Variants in KIAA1671 observed in about 807,000 individuals in gnomAD.
KIAA1671 encodes the protein uncharacterized protein KIAA1671.
KIAA1671 carries 52 observed loss-of-function variants against 131.2 expected under a neutral mutation model. The ratio of observed to expected loss-of-function variants is 0.40; its 90% CI spans 0.32 to 0.50. The LOEUF (loss-of-function observed/expected upper bound fraction) is 0.50, where lower values mean the gene tolerates loss of function less well. Among genes scored for constraint, KIAA1671 ranks in the 20% least tolerant of loss-of-function variants. The pLI, the probability that KIAA1671 is intolerant of heterozygous loss-of-function variation, is 0.73. For synonymous variants in KIAA1671, 1,003 were observed against 961.6 expected (o/e 1.04, Z -0.80); for missense variants, 2,360 against 2,364.2 (o/e 1.00, Z 0.04).
intron 6 of KIAA1671, among the ~76,000 whole-genome samples, chr22:25,090,772 T>C (rs75481335): frequency 0.042 from 6,465 of 152,354 alleles, 176 homozygotes; most frequent in South Asian, 0.067. Context: ...TGTAGTGACT[T>C]GCCCAAGGTC....
At chr22:25,150,981 C>T (rs1009044082) in intron 6 of KIAA1671, among the ~76,000 whole-genome samples, 4 of 151,848 alleles carry the variant, frequency 2.6e-5, no homozygotes, top group Non-Finnish European at 4.4e-5. Flanking sequence ...TACAGGCACC[C>T]GCCTCCACGC....
At chr22:25,134,395 C>G (rs1021214123) in intron 6 of KIAA1671, among the ~76,000 whole-genome samples, 1 of 152,056 alleles carries the variant, frequency 6.6e-6, no homozygotes, top group Non-Finnish European at 1.5e-5. Context: ...TGTGTGTGTA[C>G]CCGAAATCTG....
At chr22:25,152,373 T>C (rs1933073326) in intron 6 of KIAA1671, among the ~76,000 whole-genome samples, 1 of 152,212 alleles carries the variant, frequency 6.6e-6, no homozygotes, top group Admixed American at 6.5e-5. Flanking sequence ...TACATGTGTG[T>C]GTGAGGTGAT....
chr22:24,980,255 C>T (rs1923156369), intron 1 of KIAA1671, among the ~76,000 whole-genome samples: 3 of 149,892 alleles, frequency 2.0e-5, no homozygotes, highest in South Asian at 2.1e-4. Context: ...CAAGTCCCTA[C>T]GTTCAGTTTC....
At position 25,155,965 on chromosome 22, in the gene KIAA1671, T is replaced by C. The variant is rs532211582; in HGVS notation, c.4531-14855T>C. Among the ~76,000 whole-genome samples, 3 of 147,672 alleles carry C rather than the reference T, an allele frequency of 2.0e-5. No individual in the cohort carries two copies. In the Admixed American group the frequency reaches 2.0e-4, roughly 10 times the overall value. On this transcript the variant is annotated intron_variant, in intron 6 of 12. Transcript: ENST00000358431. ...ATATAAATACACACATATATATGTATGTGTGTATTTGTGTGTATCTTTTTT... is the reference window on the plus strand; with the variant it reads ...ATATAAATACACACATATATATGTACGTGTGTATTTGTGTGTATCTTTTTT...
rs58403323 is a variant in KIAA1671, at chr22:25,090,218, T to C, written c.4530+40854T>C. Among the ~76,000 whole-genome samples, 35 of 152,364 alleles carry C rather than the reference T, an allele frequency of 2.3e-4. No individual in the cohort carries two copies. In the East Asian group the frequency reaches 5.8e-3, roughly 25 times the overall value. On this transcript the variant is annotated intron_variant, in intron 6 of 12. Transcript: ENST00000358431. ...GGAGTGTGCTGAGCTCTGGAGCCCTTAGCTCTACTGCTATGCCGGTCGAGA... is the reference window on the plus strand; with the variant it reads ...GGAGTGTGCTGAGCTCTGGAGCCCTCAGCTCTACTGCTATGCCGGTCGAGA...
At chr22:25,070,928 A>C (rs1318480889) in intron 6 of KIAA1671, among the ~76,000 whole-genome samples, 2 of 152,218 alleles carry the variant, frequency 1.3e-5, no homozygotes, top group Non-Finnish European at 2.9e-5. Flanking sequence ...CCTCTGGATA[A>C]CAGAGGAAAA....
intron 6 of KIAA1671, among the ~76,000 whole-genome samples, chr22:25,109,619 C>T (rs1931228758): frequency 6.6e-6 from 1 of 152,222 alleles, no homozygotes; most frequent in African/African-American, 2.4e-5. Flanking sequence ...TCTCAGTCTC[C>T]TCTGTCAAAT....
At chr22:25,115,318 G>T (rs1931596643) in intron 6 of KIAA1671, among the ~76,000 whole-genome samples, 1 of 152,222 alleles carries the variant, frequency 6.6e-6, no homozygotes, top group Admixed American at 6.5e-5. Flanking sequence ...AAAGCGGGAA[G>T]TGGGGGGTCT....
In KIAA1671 at chr22:25,174,222, C is replaced by A. The variant is rs1400005732; in HGVS notation, c.4650-18C>A. 1 of 1,551,084 alleles carries A rather than the reference C, an allele frequency of 6.4e-7. No homozygotes were observed. Among genetic ancestry groups the A allele is most frequent in the Non-Finnish European group, 8.7e-7 (1 of 1,146,574 alleles). ...CGTTCTCCATAACCATGTCTCCCTTCATTCCCTTTTTTGGCAGCTTGGCCA... is the reference window on the plus strand; with the variant it reads ...CGTTCTCCATAACCATGTCTCCCTTAATTCCCTTTTTTGGCAGCTTGGCCA... On this transcript the variant is annotated intron_variant, in intron 7 of 12. Transcript: ENST00000358431.
chr22:25,067,523 T>C (rs1928545222), intron 6 of KIAA1671, among the ~76,000 whole-genome samples: 1 of 151,996 alleles, frequency 6.6e-6, no homozygotes, highest in African/African-American at 2.4e-5. Context: ...CTTTTTCTCC[T>C]TTCACCCTCT....
At chr22:24,993,932 T>C (rs1923972566) in intron 1 of KIAA1671, among the ~76,000 whole-genome samples, 1 of 151,936 alleles carries the variant, frequency 6.6e-6, no homozygotes, top group African/African-American at 2.4e-5. Context: ...TACAAAAAAA[T>C]TAGCCGGGCA....
chr22:25,165,478 C>T (rs979381873), intron 6 of KIAA1671, among the ~76,000 whole-genome samples: 15 of 152,224 alleles, frequency 9.9e-5, no homozygotes, highest in African/African-American at 3.4e-4. Context: ...CAGTGCTGTA[C>T]ACTACAGCTT....
intron 1 of KIAA1671, among the ~76,000 whole-genome samples, chr22:24,968,684 G>A (rs1239429363): frequency 1.3e-5 from 2 of 152,170 alleles, no homozygotes; most frequent in Non-Finnish European, 2.9e-5. Context: ...TGTGCATGGA[G>A]CTGTCTGGAG....
intron 1 of KIAA1671, among the ~76,000 whole-genome samples, chr22:25,018,148 C>G (rs1269869157): frequency 6.6e-6 from 1 of 152,046 alleles, no homozygotes; most frequent in Non-Finnish European, 1.5e-5. Context: ...TGTCTGCCCC[C>G]ATCAGGGCAC....
intron 6 of KIAA1671, among the ~76,000 whole-genome samples, chr22:25,101,946 G>GC (rs1005761769): frequency 6.6e-6 from 1 of 152,172 alleles, no homozygotes; most frequent in Non-Finnish European, 1.5e-5. Context: ...CCCCAGAGGT[G>GC]CCCCCTGCCC....
At chr22:24,960,573 T>G (rs1921963915) in intron 1 of KIAA1671, among the ~76,000 whole-genome samples, 1 of 147,714 alleles carries the variant, frequency 6.8e-6, no homozygotes, top group Non-Finnish European at 1.5e-5. Context: ...AAGAAAAAAC[T>G]GAATAATTTC....
At chr22:25,029,689 T>C in intron 3 of KIAA1671, 149 bp downstream of exon 3, 2 of 666,638 alleles carry the variant, frequency 3.0e-6, no homozygotes, top group South Asian at 4.2e-5. Context: ...ATTTCTCAGA[T>C]GAGAAAGGTG....
At chr22:24,977,889 C>T (rs549309069) in intron 1 of KIAA1671, among the ~76,000 whole-genome samples, 82 of 152,310 alleles carry the variant, frequency 5.4e-4, no homozygotes, top group African/African-American at 2.0e-3. Flanking sequence ...TTAAACAAAC[C>T]AAACCAAAAC....
Sources: allele counts gnomAD v4.1 joint callset (sites outside exome capture counted in the v4.1 genomes callset), GRCh38; gene constraint gnomAD v4.1.1; transcripts MANE v1.5; gene names NCBI Gene and HGNC (gene_info 2026-07-23, HGNC 2026-07-21).